ERAP1: variants seen among roughly 807,000 people sequenced by gnomAD.
ERAP1 encodes adipocyte-derived leucine aminopeptidase.
A neutral mutation model predicts 103.7 loss-of-function variants in ERAP1; 86 were observed. That is an observed-to-expected ratio of 0.83 (90% CI 0.70 to 0.99). ERAP1 has a LOEUF of 0.99. ERAP1 is among the 50% of genes least tolerant of loss of function. ERAP1 has a pLI of 0.00. For missense variants in ERAP1, 1,009 were observed against 1,128.4 expected, an observed-to-expected ratio of 0.89 and a Z score of 1.52; for synonymous variants, 398 against 402.4, an observed-to-expected ratio of 0.99 and a Z score of 0.13.
In ERAP1 at chr5:96,792,800, C is replaced by T. The variant is rs192106869; in HGVS notation, c.1188+600G>A. On this transcript the variant is annotated intron_variant, in intron 7 of 18. Coordinates refer to ENST00000443439, the MANE Select transcript of ERAP1 (RefSeq NM_001040458.3). ...AAATGTATATTTTAAATAATGTATA[C>T]AGGCAGATGAAAATAGGAATAAATA... 2.0e-3 allele frequency among the ~76,000 whole-genome samples: 301 copies of T among 152,100 alleles called. 1 individual carries two copies. The highest frequency in any genetic ancestry group is 4.7e-3 in the Admixed American group (72 of 15,300).
chr5:96,872,652 T>A, the ERAP1 span, among the ~76,000 whole-genome samples: 1 of 152,220 alleles, frequency 6.6e-6, no homozygotes, highest in South Asian at 2.1e-4. Context: ...AAATTTAAAG[T>A]TTACAAAACA....
At chr5:96,798,116 G>A (rs1363619115) in intron 3 of ERAP1, among the ~76,000 whole-genome samples, 1 of 152,012 alleles carries the variant, frequency 6.6e-6, no homozygotes, top group East Asian at 1.9e-4. Context: ...ACAAGGTAAG[G>A]AGATTGAGAC....
At chr5:96,882,969 T>C in the ERAP1 span, among the ~76,000 whole-genome samples, 1 of 152,334 alleles carries the variant, frequency 6.6e-6, no homozygotes, top group East Asian at 1.9e-4. Context: ...AGAGTAAATC[T>C]GTAACTGTAC....
the ERAP1 span, among the ~76,000 whole-genome samples, chr5:96,911,248 A>G: frequency 3.6e-4 from 55 of 152,342 alleles, no homozygotes; most frequent in East Asian, 6.0e-3. Flanking sequence ...TATGGAGACT[A>G]GTACAATCTC....
At chr5:96,892,366 G>A in the ERAP1 span, 8 of 1,614,030 alleles carry the variant, frequency 5.0e-6, no homozygotes, top group South Asian at 6.6e-5. Flanking sequence ...CATATAGGGA[G>A]ACGTCACTGC....
At chr5:96,914,881 A>G in the ERAP1 span, among the ~76,000 whole-genome samples, 6,146 of 152,238 alleles carry the variant, frequency 0.04, 210 homozygotes, top group Middle Eastern at 0.12. Flanking sequence ...TCTAATTTTA[A>G]ATTTTATATT....
At chr5:96,762,925 C>T (rs1768509849) in exon 20 of ERAP1, 1 of 515,242 alleles carries the variant, frequency 1.9e-6, no homozygotes, top group Non-Finnish European at 3.5e-6. Context: ...TAATTATTTA[C>T]ATGCTGTGAG....
intron 18 of ERAP1, among the ~76,000 whole-genome samples, chr5:96,777,948 G>C (rs965856112): frequency 2.0e-5 from 3 of 152,108 alleles, no homozygotes; most frequent in East Asian, 3.9e-4. Flanking sequence ...CACAATACAG[G>C]GATAGGAAAA....
the ERAP1 span, among the ~76,000 whole-genome samples, chr5:96,834,678 T>G: frequency 6.6e-6 from 1 of 152,246 alleles, no homozygotes; most frequent in African/African-American, 2.4e-5. Context: ...TGCAATTTGC[T>G]GAGTTTCTTC....
the ERAP1 span, among the ~76,000 whole-genome samples, chr5:96,891,503 A>G: frequency 0.15 from 5,898 of 39,148 alleles, 199 homozygotes; most frequent in Middle Eastern, 0.33. Flanking sequence ...GTGTGTGTAT[A>G]TATATATATA....
the ERAP1 span, among the ~76,000 whole-genome samples, chr5:96,829,896 A>G: frequency 3.3e-5 from 5 of 152,232 alleles, no homozygotes; most frequent in African/African-American, 1.2e-4. Flanking sequence ...AGTAAGGTTG[A>G]AAGTGTGGAA....
chr5:96,803,688 G>A lies in ERAP1; in HGVS notation c.239C>T (p.Thr80Met), dbSNP rs756696790. ...CTGACTGGCTGTGATTTCTACTTTCGTGGTTCCCCAGAAGGTCAGCGTGGT... is the reference window on the plus strand; with the variant it reads ...CTGACTGGCTGTGATTTCTACTTTCATGGTTCCCCAGAAGGTCAGCGTGGT... ...NLTTLTFWGT[T>M]KVEITASQPT... Residue 80 changes from threonine to methionine, a missense_variant, in exon 2 of 19, where the codon ACG becomes ATG. Physicochemically the swap from Thr to Met is moderately conservative, Grantham distance 81. This residue lies in a region of ERAP1 where 392 missense variants were observed against 455.2 expected (regional missense o/e 0.86). Transcript: ENST00000443439. 8.1e-6 allele frequency: 13 copies of A among 1,614,186 alleles called. No homozygotes were observed. The highest frequency in any genetic ancestry group is 2.2e-5 in the East Asian group (1 of 44,882).
Position 96,766,255 on chromosome 5 carries a change from C to T in ERAP1, c.2819-3027G>A, listed in dbSNP as rs27525. Reference sequence around the variant, plus strand: ...CTCCTTTACAATAGCATAAAACATACCATGACTGACTGCTTCTAATGTGTC... The same window carrying T: ...CTCCTTTACAATAGCATAAAACATATCATGACTGACTGCTTCTAATGTGTC... On this transcript the variant is annotated intron_variant, in intron 19 of 19. Transcript: ENST00000296754. The T allele has an allele frequency of 0.43, 271,450 of 638,300 alleles. 59,998 individuals carry two copies. Among genetic ancestry groups the T allele is most frequent in the Middle Eastern group, 0.54 (2,114 of 3,906 alleles). The allele number at this position is 638,300 out of a possible 1,614,324, so 39.5% of individuals were successfully genotyped here. A position where few individuals can be genotyped will look rare whatever the true frequency, so the allele number is the denominator to read the frequency against.
At chr5:96,845,590 TTTTG>T in the ERAP1 span, among the ~76,000 whole-genome samples, 2 of 152,234 alleles carry the variant, frequency 1.3e-5, no homozygotes, top group African/African-American at 4.8e-5. Flanking sequence ...AAATTGGTTC[TTTTG>T]TTTGACTAAT....
chr5:96,873,639 A>C, the ERAP1 span: 3 of 352,490 alleles, frequency 8.5e-6, no homozygotes, highest in African/African-American at 4.3e-5. Context: ...AAGCACCCTG[A>C]TGTGCTTGAA....
the ERAP1 span, chr5:96,912,693 G>A: frequency 3.1e-6 from 5 of 1,610,428 alleles, no homozygotes; most frequent in Non-Finnish European, 4.2e-6. Flanking sequence ...ACAACAGCAG[G>A]ATGGAATTAC....
chr5:96,873,304 T>C, the ERAP1 span: 1,760 of 456,170 alleles, frequency 3.9e-3, 30 homozygotes, highest in African/African-American at 0.031. Flanking sequence ...TGAGGGCCTA[T>C]GATGTGCGCA....
chr5:96,904,863 T>A, the ERAP1 span, among the ~76,000 whole-genome samples: 180 of 152,344 alleles, frequency 1.2e-3, no homozygotes, highest in African/African-American at 4.2e-3. Flanking sequence ...ACTAATCATC[T>A]TTTCTTCACT....
the ERAP1 span, among the ~76,000 whole-genome samples, chr5:96,894,973 A>G: frequency 3.9e-5 from 6 of 152,086 alleles, no homozygotes; most frequent in African/African-American, 1.4e-4. Context: ...TCTAATAACT[A>G]GGAAATGTTG....
Sources: gnomAD v4.1 joint callset for allele counts (sites outside exome capture counted in the v4.1 genomes callset) on GRCh38, gnomAD v4.1.1 for gene constraint, gnomAD v4.1.1 regional missense constraint, MANE v1.5 for transcripts, NCBI Gene and HGNC (gene_info 2026-07-23, HGNC 2026-07-21) for gene names.